ITPK1: variants seen among roughly 807,000 people sequenced by gnomAD.
ITPK1 encodes inositol-tetrakisphosphate 1-kinase, also known as inositol 1,3,4-trisphosphate 5/6-kinase.
In ITPK1, 21 loss-of-function variants were observed where a neutral mutation model predicts 45.3. The ratio of observed to expected loss-of-function variants is 0.46; its 90% CI spans 0.33 to 0.67. The LOEUF is 0.67. Among genes scored for constraint, ITPK1 ranks in the 30% least tolerant of loss-of-function variants. The pLI is 0.02. For synonymous variants in ITPK1, 258 were observed against 253.6 expected (o/e 1.02, Z -0.16); for missense variants, 474 against 573.5 (o/e 0.83, Z 1.77).
chr14:92,994,557 A>G (rs879284468), intron 4 of ITPK1, among the ~76,000 whole-genome samples: 3 of 152,318 alleles, frequency 2.0e-5, no homozygotes, highest in Admixed American at 2.0e-4. Context: ...GGAACTTACT[A>G]TCTTCTTAGG....
intron 4 of ITPK1, among the ~76,000 whole-genome samples, chr14:93,000,934 C>T (rs1331107752): frequency 7.2e-6 from 1 of 139,778 alleles, no homozygotes; most frequent in African/African-American, 2.7e-5. Flanking sequence ...TTGCACCACT[C>T]CACTTCACTC....
intron 8 of ITPK1, among the ~76,000 whole-genome samples, chr14:92,956,870 C>T (rs937143934): frequency 6.6e-6 from 1 of 152,212 alleles, no homozygotes; most frequent in African/African-American, 2.4e-5. Context: ...TAAAAATATG[C>T]TTCCAGCATT....
chr14:93,102,180 T>C (rs1269214222), intron 2 of ITPK1, among the ~76,000 whole-genome samples: 1 of 152,154 alleles, frequency 6.6e-6, no homozygotes, highest in African/African-American at 2.4e-5. Flanking sequence ...TAGACAAAGG[T>C]CAGAAGCTGG....
chr14:92,960,661 A>G (rs1566698400), intron 7 of ITPK1, among the ~76,000 whole-genome samples: 1 of 152,162 alleles, frequency 6.6e-6, no homozygotes, highest in Non-Finnish European at 1.5e-5. Context: ...TCACGTTAAT[A>G]ACTACGCTCG....
intron 7 of ITPK1, among the ~76,000 whole-genome samples, chr14:92,959,461 A>G (rs2139735251): frequency 6.6e-6 from 1 of 152,308 alleles, no homozygotes; most frequent in Non-Finnish European, 1.5e-5. Context: ...GCCACATGGG[A>G]AAAACAAAAA....
intron 2 of ITPK1, among the ~76,000 whole-genome samples, chr14:93,101,453 A>T (rs756648982): frequency 6.6e-6 from 1 of 152,208 alleles, no homozygotes; most frequent in African/African-American, 2.4e-5. Flanking sequence ...GGAAGTTTGC[A>T]TGTGCTGACC....
At chr14:93,086,269 T>C (rs1049839840) in intron 2 of ITPK1, among the ~76,000 whole-genome samples, 1 of 152,148 alleles carries the variant, frequency 6.6e-6, no homozygotes, top group African/African-American at 2.4e-5. Context: ...GTCCCCAGCC[T>C]GTGTCCTGGA....
At position 93,115,864 on chromosome 14, in the gene ITPK1, C is replaced by T. The variant is rs1018909784; in HGVS notation, c.-235G>A. 4 of 146,438 alleles carry T rather than the reference C, an allele frequency of 2.7e-5. No individual in the cohort carries two copies. Among genetic ancestry groups the T allele is most frequent in the Admixed American group, 6.8e-5 (1 of 14,732 alleles). 9.1% of individuals were successfully genotyped at this position (146,438 alleles called of 1,614,324 possible). On this transcript the variant is annotated 5_prime_UTR_variant, in exon 1 of 11. Transcript: ENST00000267615. ...GCGAGCGCCCGCGCACTCGCCGCCC[C>T]TGCCCGCCGCCGCCCCGCGCTGGCC...
Position 93,114,414 on chromosome 14 carries a change from C to T in ITPK1, c.95+655G>A, listed in dbSNP as rs541329770. 9.8e-5 allele frequency among the ~76,000 whole-genome samples: 15 copies of T among 152,344 alleles called. No individual in the cohort carries two copies. In the South Asian group the frequency reaches 3.1e-3, roughly 32 times the overall value. ...CTACGCACCAGCCACTCCCTAGCTG[C>T]GGGACCCCAAGCTAGGTACCCCGCT... On this transcript the variant is annotated intron_variant, in intron 2 of 10. Coordinates refer to ENST00000267615, the MANE Select transcript of ITPK1 (RefSeq NM_014216.6).
chr14:93,103,276 G>A (rs571777892), intron 2 of ITPK1, among the ~76,000 whole-genome samples: 8 of 151,790 alleles, frequency 5.3e-5, no homozygotes, highest in East Asian at 1.9e-4. Flanking sequence ...AAAATTAGCC[G>A]GGCGTGGTGG....
At chr14:93,074,341 G>A (rs1038810144) in intron 3 of ITPK1, among the ~76,000 whole-genome samples, 2 of 152,220 alleles carry the variant, frequency 1.3e-5, no homozygotes, top group Non-Finnish European at 2.9e-5. Flanking sequence ...AATGGCTCCA[G>A]TCTCCTGTTC....
intron 3 of ITPK1, among the ~76,000 whole-genome samples, chr14:93,023,018 G>A (rs1487595292): frequency 6.6e-6 from 1 of 152,116 alleles, no homozygotes; most frequent in Non-Finnish European, 1.5e-5. Context: ...GGGTATAGCA[G>A]CCCCTTTTCT....
chr14:92,989,741 G>A (rs958220141), intron 5 of ITPK1, among the ~76,000 whole-genome samples: 7 of 152,226 alleles, frequency 4.6e-5, no homozygotes, highest in Non-Finnish European at 7.3e-5. Context: ...TGCTTGGTTT[G>A]AATTGAATCC....
chr14:92,946,359 G>A lies in ITPK1; in HGVS notation c.873C>T (p.His291=), dbSNP rs138729660. ...GGAAGGCATTGATGTCAATGACGGC[G>A]TGCTGCCCTGTCTGGTTGTTGATGA... is the stretch of plus-strand genomic sequence containing the variant. ...DIIINNQTGQ[H]AVIDINAFPG... The change falls in exon 10 of 11, where the codon CAC becomes CAT. Residue 291 remains histidine (H), a synonymous_variant. Transcript: ENST00000267615. 4.3e-5 allele frequency: 70 copies of A among 1,613,402 alleles called. No individual in the cohort carries two copies. The African/African-American group carries it at 4.8e-4, about 11-fold the overall frequency.
intron 5 of ITPK1, 112 bp from the exon 6 acceptor site, chr14:92,962,961 A>G (rs1316278319): frequency 1.5e-6 from 1 of 645,702 alleles, no homozygotes; most frequent in Admixed American, 2.9e-5. Flanking sequence ...ACGCTCCTGG[A>G]TCTGACCGTC....
At position 93,014,674 on chromosome 14, in the gene ITPK1, C is replaced by T. The variant is rs745815556; in HGVS notation, c.246+2002G>A. Among the ~76,000 whole-genome samples the T allele has an allele frequency of 2.0e-5, 3 of 152,218 alleles. No individual in the cohort carries two copies. Among genetic ancestry groups the T allele is most frequent in the Admixed American group, 1.3e-4 (2 of 15,290 alleles). On this transcript the variant is annotated intron_variant, in intron 4 of 10. Coordinates refer to ENST00000267615, the MANE Select transcript of ITPK1 (RefSeq NM_014216.6). This position sits in a 1 kb window ranked among gnomAD's most constrained non-coding sequence, Gnocchi z 4.4. ...CTCATCCATCTCTGGAGAGGCCACA[C>T]GACAGGTGAGGAGAGCAAGCTAGCG...
At chr14:93,039,700 C>T (rs1462050258) in intron 3 of ITPK1, among the ~76,000 whole-genome samples, 2 of 152,214 alleles carry the variant, frequency 1.3e-5, no homozygotes, top group Non-Finnish European at 2.9e-5. Context: ...TGTGATAAGT[C>T]GCTGAGGCCG....
chr14:93,089,716 G>A (rs1280422089), intron 2 of ITPK1, among the ~76,000 whole-genome samples: 1 of 152,192 alleles, frequency 6.6e-6, no homozygotes, highest in African/African-American at 2.4e-5. Context: ...CCAGTGCCAA[G>A]AGTCAGTCTC....
intron 4 of ITPK1, among the ~76,000 whole-genome samples, chr14:93,010,354 T>C (rs1805489213): frequency 6.6e-6 from 1 of 152,246 alleles, no homozygotes; most frequent in South Asian, 2.1e-4. Context: ...CAACAGGGTT[T>C]GATTCAATGC....
Sources: allele counts gnomAD v4.1 joint callset (sites outside exome capture counted in the v4.1 genomes callset), GRCh38; gene constraint gnomAD v4.1.1; non-coding constraint Gnocchi (gnomAD v3.1); transcripts MANE v1.5; gene names NCBI Gene and HGNC (gene_info 2026-07-23, HGNC 2026-07-21).